The following NTRK2 variants were observed in gnomAD, a reference collection of about 807,000 sequenced individuals.
NTRK2 encodes neurotrophic receptor tyrosine kinase 2.
A neutral mutation model predicts 94.5 loss-of-function variants in NTRK2; 13 were observed. The observed-to-expected ratio is 0.14, with a 90% CI of 0.09 to 0.22. The LOEUF (loss-of-function observed/expected upper bound fraction) is 0.22, where lower values mean the gene tolerates loss of function less well. Among genes scored for constraint, NTRK2 ranks in the 10% least tolerant of loss-of-function variants. The probability of loss-of-function intolerance (pLI) is 1.00; values close to 1 mark genes in which losing one functional copy is unlikely to be tolerated. For missense variants in NTRK2, 639 were observed against 1,071.2 expected, an observed-to-expected ratio of 0.60 and a Z score of 5.63; for synonymous variants, 372 against 407.4, an observed-to-expected ratio of 0.91 and a Z score of 1.05.
chr9:84,810,620 TG>T, intron 12 of NTRK2: 3 of 1,613,672 alleles, frequency 1.9e-6, no homozygotes, highest in Non-Finnish European at 2.5e-6. Flanking sequence ...CTGTGGTGCT[TG>T]TTGGTTGATG....
At chr9:84,958,756 T>C (rs1255737900) in intron 17 of NTRK2, among the ~76,000 whole-genome samples, 1 of 152,222 alleles carries the variant, frequency 6.6e-6, no homozygotes, top group East Asian at 1.9e-4. Flanking sequence ...AATGACACTT[T>C]ATTTTGCCTT....
intron 2 of NTRK2, among the ~76,000 whole-genome samples, chr9:84,689,444 T>G (rs557799223): frequency 3.3e-5 from 5 of 152,260 alleles, no homozygotes; most frequent in Non-Finnish European, 7.3e-5. Context: ...TTGATGGTCC[T>G]GGTCTATTTT....
At chr9:84,850,075 A>G (rs532807810) in intron 12 of NTRK2, among the ~76,000 whole-genome samples, 3 of 152,322 alleles carry the variant, frequency 2.0e-5, no homozygotes, top group African/African-American at 7.2e-5. Flanking sequence ...AAAAAGCCCA[A>G]ATGTCAATGG....
At chr9:84,785,443 G>A (rs761088898) in intron 12 of NTRK2, among the ~76,000 whole-genome samples, 4 of 152,152 alleles carry the variant, frequency 2.6e-5, no homozygotes, top group Non-Finnish European at 4.4e-5. Flanking sequence ...ATGTACATGT[G>A]GAGAAAGAAG....
chr9:84,814,726 T>C (rs947445307), intron 12 of NTRK2: 2 of 1,064,176 alleles, frequency 1.9e-6, no homozygotes, highest in African/African-American at 1.6e-5. Context: ...AGACTCCAGA[T>C]ACAGAGGGAC....
In NTRK2 at chr9:84,821,255, G is replaced by T. The variant is rs1036247997; in HGVS notation, c.1397-39785G>T. ...AATTTTCAAATTGGTTGGGCGGAAT[G>T]TACTTAGCTTGCATGTTTATGTGTG... On this transcript the variant is annotated intron_variant, in intron 12 of 18. Transcript: ENST00000277120. Among the ~76,000 whole-genome samples, 3 of 151,986 alleles carry T rather than the reference G, an allele frequency of 2.0e-5. No homozygotes were observed. The South Asian group carries it at 6.2e-4, about 32-fold the overall frequency.
At chr9:84,992,343 G>C (rs1412564543) in intron 17 of NTRK2, among the ~76,000 whole-genome samples, 3 of 151,848 alleles carry the variant, frequency 2.0e-5, no homozygotes, top group Non-Finnish European at 4.4e-5. Context: ...GTATTGATGA[G>C]TCTGCCTCTA....
At chr9:84,970,008 TG>T (rs1825995732) in intron 17 of NTRK2, among the ~76,000 whole-genome samples, 1 of 152,236 alleles carries the variant, frequency 6.6e-6, no homozygotes, top group Non-Finnish European at 1.5e-5. Flanking sequence ...CCAGATTTTC[TG>T]GGTTCAAATT....
upstream of NTRK2, chr9:84,668,547 A>T (rs1419218991): frequency 6.6e-6 from 1 of 152,264 alleles, no homozygotes; most frequent in Non-Finnish European, 1.5e-5. Context: ...GAGCCGCAAA[A>T]GGGAAGACGG....
intron 12 of NTRK2, among the ~76,000 whole-genome samples, chr9:84,818,091 A>G (rs762661310): frequency 3.3e-5 from 5 of 152,184 alleles, no homozygotes; most frequent in Non-Finnish European, 1.5e-5. Flanking sequence ...TAAGTGTTTC[A>G]TGATCCTCCC....
intron 12 of NTRK2, among the ~76,000 whole-genome samples, chr9:84,783,550 A>C (rs578199373): frequency 4.6e-5 from 7 of 152,134 alleles, no homozygotes; most frequent in Non-Finnish European, 7.4e-5. Flanking sequence ...GGAAAATGTG[A>C]AGTCAGTGGA....
chr9:84,672,590 G>A (rs2058767966), intron 2 of NTRK2, among the ~76,000 whole-genome samples: 1 of 152,054 alleles, frequency 6.6e-6, no homozygotes, highest in Non-Finnish European at 1.5e-5. Flanking sequence ...AGATATTGTT[G>A]TGTGTGTGTG....
chr9:84,975,295 G>A (rs1288366659), intron 17 of NTRK2, among the ~76,000 whole-genome samples: 1 of 152,210 alleles, frequency 6.6e-6, no homozygotes, highest in South Asian at 2.1e-4. Context: ...TTCTAAACAA[G>A]CACTCCCCCT....
intron 12 of NTRK2, among the ~76,000 whole-genome samples, chr9:84,774,344 C>T (rs2066832236): frequency 6.6e-6 from 1 of 152,204 alleles, no homozygotes; most frequent in Non-Finnish European, 1.5e-5. Context: ...ATTGACCTCA[C>T]TTCTGAATCT....
intron 12 of NTRK2, among the ~76,000 whole-genome samples, chr9:84,765,806 T>G (rs1001449591): frequency 1.3e-5 from 2 of 152,206 alleles, no homozygotes; most frequent in African/African-American, 4.8e-5. Flanking sequence ...TTGGTAATTC[T>G]GTTATCTATT....
At chr9:84,798,916 A>ATATATATATATG (rs2070002780) in intron 12 of NTRK2, among the ~76,000 whole-genome samples, 1 of 40,812 alleles carries the variant, frequency 2.5e-5, no homozygotes, top group Non-Finnish European at 5.1e-5. Context: ...TAAGTGCTAT[A>ATATATATATATG]TATATATATA....
chr9:84,990,596 G>C (rs1380710852), intron 17 of NTRK2, among the ~76,000 whole-genome samples: 1 of 152,214 alleles, frequency 6.6e-6, no homozygotes, highest in Non-Finnish European at 1.5e-5. Flanking sequence ...GAAGGAAACT[G>C]TCAGAAACAT....
intron 14 of NTRK2, among the ~76,000 whole-genome samples, chr9:84,899,871 T>G (rs913862315): frequency 1.3e-5 from 2 of 152,182 alleles, no homozygotes; most frequent in African/African-American, 4.8e-5. Flanking sequence ...ACTAGTTCCC[T>G]ATGGGGTGGA....
chr9:84,953,479 T>C (rs1231932809), intron 16 of NTRK2, among the ~76,000 whole-genome samples: 2 of 152,204 alleles, frequency 1.3e-5, no homozygotes, highest in East Asian at 1.9e-4. Flanking sequence ...ACAGCAAGTG[T>C]AGGACAGGAT....
Sources: allele counts gnomAD v4.1 joint callset (sites outside exome capture counted in the v4.1 genomes callset), GRCh38; gene constraint gnomAD v4.1.1; transcripts MANE v1.5; gene names NCBI Gene and HGNC (gene_info 2026-07-23, HGNC 2026-07-21).